EDAR: variants seen among roughly 807,000 people sequenced by gnomAD.
The protein encoded by EDAR is ectodysplasin A receptor.
Under a neutral mutation model 51.3 loss-of-function variants are expected in EDAR, and 38 were observed. The observed-to-expected ratio is 0.74, with a 90% CI of 0.57 to 0.97. The LOEUF is 0.97. EDAR is among the 50% of genes least tolerant of loss of function. The probability of loss-of-function intolerance (pLI) is 0.00; values close to 1 mark genes in which losing one functional copy is unlikely to be tolerated. For synonymous variants in EDAR, 227 were observed against 242.1 expected, an observed-to-expected ratio of 0.94 and a Z score of 0.58; for missense variants, 528 against 595.0, an observed-to-expected ratio of 0.89 and a Z score of 1.17.
intron 11 of EDAR, among the ~76,000 whole-genome samples, chr2:108,898,667 TAAA>T (rs533479833): frequency 9.7e-4 from 147 of 152,264 alleles, no homozygotes; most frequent in African/African-American, 3.3e-3. Flanking sequence ...GAATTCATAA[TAAA>T]AGTGCTTCAA....
chr2:108,911,181 A>T lies in EDAR; in HGVS notation c.530-109T>A, dbSNP rs1233809965. The T allele has an allele frequency of 3.6e-6, 5 of 1,388,116 alleles. No homozygotes were observed. In the East Asian group the frequency reaches 1.2e-4, roughly 32 times the overall value. 86.0% of individuals were successfully genotyped at this position (1,388,116 alleles called of 1,614,324 possible). A position where few individuals can be genotyped will look rare whatever the true frequency, so the allele number is the denominator to read the frequency against. The stretch of plus-strand genomic sequence containing the variant: ...ATGGCCCTGCCCCTGGGATGCTTTC[A>T]GGGAACCCTGAAATCTGAGGTGCTT... On this transcript the variant is annotated intron_variant, in intron 6 of 11. Coordinates refer to ENST00000258443, the MANE Select transcript of EDAR (RefSeq NM_022336.4).
chr2:108,988,642 T>A (rs1171179859), intron 1 of EDAR, among the ~76,000 whole-genome samples: 1 of 152,140 alleles, frequency 6.6e-6, no homozygotes, highest in African/African-American at 2.4e-5. Context: ...AACATACTTT[T>A]CACGCTCCCT....
chr2:108,935,384 A>C (rs1178205655), intron 1 of EDAR, among the ~76,000 whole-genome samples: 1 of 152,164 alleles, frequency 6.6e-6, no homozygotes, highest in Non-Finnish European at 1.5e-5. Context: ...AGAAATGCAG[A>C]ATCTCAGCCC....
At chr2:108,900,145 A>G (rs2105377096) in intron 11 of EDAR, among the ~76,000 whole-genome samples, 1 of 152,374 alleles carries the variant, frequency 6.6e-6, no homozygotes, top group East Asian at 1.9e-4. Flanking sequence ...AGTGACCCAC[A>G]GTAAAGCAGG....
intron 4 of EDAR, among the ~76,000 whole-genome samples, chr2:108,925,694 C>T (rs114861563): frequency 0.011 from 1,631 of 152,134 alleles, 17 homozygotes; most frequent in Non-Finnish European, 0.013. Context: ...CTTGGCTCAC[C>T]GCAACTTCCG....
At chr2:108,964,724 G>C (rs1030499841) in intron 1 of EDAR, among the ~76,000 whole-genome samples, 1 of 152,178 alleles carries the variant, frequency 6.6e-6, no homozygotes, top group Non-Finnish European at 1.5e-5. Context: ...CACACTCTCC[G>C]TTACGCCACA....
chr2:108,984,299 G>A lies in EDAR; in HGVS notation c.-19+4661C>T, dbSNP rs75147553. Among the ~76,000 whole-genome samples the A allele has an allele frequency of 9.8e-3, 1,489 of 152,220 alleles. 19 individuals carry two copies. The highest frequency in any genetic ancestry group is 0.02 in the Middle Eastern group (6 of 294). The stretch of plus-strand genomic sequence containing the variant: ...TTAGAAGCAAATTACAGCAACCGGC[G>A]TGGCATGGGATGGGGTGGTGTGGGC... On this transcript the variant is annotated intron_variant, in intron 1 of 11. Transcript: ENST00000258443.
At chr2:108,897,329 A>T (rs189753082) in intron 11 of EDAR, 100 bp from the exon 12 acceptor site, 13,619 of 1,227,990 alleles carry the variant, frequency 0.011, 119 homozygotes, top group Non-Finnish European at 0.013. Flanking sequence ...ATTTGAAAAA[A>T]ATTTTTTTAA....
chr2:108,948,601 T>C (rs1218508320), intron 1 of EDAR, among the ~76,000 whole-genome samples: 1 of 152,090 alleles, frequency 6.6e-6, no homozygotes, highest in South Asian at 2.1e-4. Flanking sequence ...GCAAGGCACG[T>C]CTCACATGGT....
rs578021385 is a variant in EDAR, at chr2:108,941,239, ATTTG to A, written c.-18-10211_-18-10208del. Reference sequence around the variant, plus strand: ...CAATGTTTCTCCATTTGCCCATTCCATTTGTTTTTGCTAAGACTACATTTGCAAA... The same window carrying A: ...CAATGTTTCTCCATTTGCCCATTCCATTTTTGCTAAGACTACATTTGCAAA... On this transcript the variant is annotated intron_variant, in intron 1 of 11. Transcript: ENST00000258443. Among the ~76,000 whole-genome samples, 774 of 152,212 alleles carry A rather than the reference ATTTG, an allele frequency of 5.1e-3. 3 individuals carry two copies. The highest frequency in any genetic ancestry group is 6.8e-3 in the Non-Finnish European group (461 of 68,006).
chr2:108,943,067 C>CT (rs1272138955), intron 1 of EDAR, among the ~76,000 whole-genome samples: 5 of 152,162 alleles, frequency 3.3e-5, no homozygotes, highest in Admixed American at 1.3e-4. Context: ...TCAGAGTGGG[C>CT]TTTTTTTCCC....
intron 11 of EDAR, among the ~76,000 whole-genome samples, chr2:108,905,905 G>A (rs1382070038): frequency 1.4e-5 from 2 of 146,004 alleles, no homozygotes; most frequent in African/African-American, 2.8e-5. Context: ...GGGGATGCTC[G>A]AGGGCAGGGA....
rs775441181 is a variant in EDAR, at chr2:108,912,763, A to C, written c.444T>G (p.Cys148Trp). The change falls in exon 6 of 12, where the codon TGT (cysteine) becomes TGG (tryptophan). Residue 148 changes from cysteine (C) to tryptophan (W), a missense_variant and splice_region_variant. Coordinates refer to ENST00000258443, the MANE Select transcript of EDAR (RefSeq NM_022336.4). The stretch of plus-strand genomic sequence containing the variant: ...CAGAAGCTCCTGAAGTGGCTCCCAC[A>C]CCTGCAAGGAAAATAGAGTCCCTCA... ...CLLAPPNTKE[C>W]VGATSGASAN... The C allele has an allele frequency of 1.9e-6, 3 of 1,589,136 alleles. No individual in the cohort carries two copies. The highest frequency in any genetic ancestry group is 2.6e-6 in the Non-Finnish European group (3 of 1,167,706).
chr2:108,981,892 G>C (rs1470996719), intron 1 of EDAR, among the ~76,000 whole-genome samples: 1 of 152,186 alleles, frequency 6.6e-6, no homozygotes. Flanking sequence ...AGACGGAAAC[G>C]CTAAGGAAGC....
chr2:108,933,740 G>T (rs1386791986), intron 1 of EDAR, among the ~76,000 whole-genome samples: 2 of 152,158 alleles, frequency 1.3e-5, no homozygotes, highest in African/African-American at 4.8e-5. Context: ...TCTAGCAACA[G>T]AGCAAGCTGG....
At chr2:108,923,499 G>A (rs762364356) in intron 4 of EDAR, 46 bp from the exon 5 acceptor site, 8 of 1,577,692 alleles carry the variant, frequency 5.1e-6, no homozygotes, top group South Asian at 1.1e-5. Context: ...GAGCTGGACA[G>A]CACACAGGCA....
intron 1 of EDAR, among the ~76,000 whole-genome samples, chr2:108,964,652 C>T (rs1195641978): frequency 1.3e-5 from 2 of 152,168 alleles, no homozygotes; most frequent in African/African-American, 4.8e-5. Context: ...AATAGCACTC[C>T]AATTCCAGAA....
intron 11 of EDAR, among the ~76,000 whole-genome samples, chr2:108,906,024 C>T (rs1225821000): frequency 1.4e-5 from 2 of 146,244 alleles, no homozygotes; most frequent in South Asian, 2.1e-4. Flanking sequence ...GTGGCTGCTG[C>T]TCACCGACCC....
intron 11 of EDAR, among the ~76,000 whole-genome samples, chr2:108,904,532 T>G (rs1574367108): frequency 6.6e-6 from 1 of 152,132 alleles, no homozygotes; most frequent in Admixed American, 6.5e-5. Flanking sequence ...AGCACCTTTA[T>G]TCATAATAGC....
Sources: allele counts gnomAD v4.1 joint callset (sites outside exome capture counted in the v4.1 genomes callset), GRCh38; gene constraint gnomAD v4.1.1; transcripts MANE v1.5; gene names NCBI Gene and HGNC (gene_info 2026-07-23, HGNC 2026-07-21).